Variants in BTBD1 observed in about 807,000 individuals in gnomAD.
The protein encoded by BTBD1 is BTB/POZ domain-containing protein 1.
A neutral mutation model predicts 48.0 loss-of-function variants in BTBD1; 34 were observed. The ratio of observed to expected loss-of-function variants is 0.71; its 90% CI spans 0.54 to 0.94. The LOEUF (loss-of-function observed/expected upper bound fraction) is 0.94. Ranked by LOEUF, BTBD1 falls within the 40% of genes least tolerant of loss-of-function variation. The probability of loss-of-function intolerance (pLI) is 0.00; values close to 1 mark genes in which losing one functional copy is unlikely to be tolerated. For missense variants in BTBD1, 543 were observed against 625.6 expected (o/e 0.87, Z 1.41); for synonymous variants, 261 against 242.1 (o/e 1.08, Z -0.72).
At chr15:83,030,576 T>C (rs530455405) in intron 4 of BTBD1, 201 of 385,184 alleles carry the variant, frequency 5.2e-4, no homozygotes, top group African/African-American at 3.9e-3. Context: ...CTATTCCTCA[T>C]GGATGCCAGG....
intron 3 of BTBD1, among the ~76,000 whole-genome samples, chr15:83,046,193 C>T (rs993843067): frequency 1.3e-5 from 2 of 151,860 alleles, no homozygotes; most frequent in Non-Finnish European, 2.9e-5. Flanking sequence ...CACAGGAGTT[C>T]GAGACCTACC....
chr15:83,038,177 G>T (rs1409904563), intron 4 of BTBD1, among the ~76,000 whole-genome samples: 1 of 152,126 alleles, frequency 6.6e-6, no homozygotes, highest in Admixed American at 6.6e-5. Flanking sequence ...ACAAAAGTCA[G>T]CAGCATTTCT....
chr15:83,037,947 G>A (rs11636145), intron 4 of BTBD1, among the ~76,000 whole-genome samples: 3,298 of 152,164 alleles, frequency 0.022, 58 homozygotes, highest in South Asian at 0.039. Flanking sequence ...AGCTAGGCAC[G>A]GTGGCAGGCA....
At chr15:83,044,989 C>T (rs1466417677) in intron 3 of BTBD1, among the ~76,000 whole-genome samples, 1 of 151,808 alleles carries the variant, frequency 6.6e-6, no homozygotes, top group Non-Finnish European at 1.5e-5. Context: ...AATAAATACC[C>T]CAGTTCCTAA....
chr15:83,056,666 TCCAC>T (rs1007607542), intron 1 of BTBD1, 121 bp from the exon 2 acceptor site: 78 of 776,860 alleles, frequency 1.0e-4, no homozygotes, highest in Middle Eastern at 3.8e-4. Context: ...CATCCATCCA[TCCAC>T]CCACCCACCC....
rs545993849 is a variant in BTBD1, at chr15:83,063,830, C to T, written c.401+2921G>A. Among the ~76,000 whole-genome samples the T allele has an allele frequency of 2.6e-5, 4 of 152,322 alleles. No homozygotes were observed. The East Asian group carries it at 5.8e-4, about 22-fold the overall frequency. ...GAGATACTTAGTGCCGAAAACAATG[C>T]GTTCCCTTGCTGAGAATGTTCCTTC... On this transcript the variant is annotated intron_variant, in intron 1 of 7. Transcript: ENST00000261721.
At chr15:83,041,295 G>A (rs1294014519) in intron 4 of BTBD1, among the ~76,000 whole-genome samples, 2 of 151,480 alleles carry the variant, frequency 1.3e-5, no homozygotes, top group Non-Finnish European at 2.9e-5. Flanking sequence ...TCATACACTC[G>A]CATATATGTT....
At chr15:83,050,439 T>C (rs1188935751) in intron 2 of BTBD1, among the ~76,000 whole-genome samples, 1 of 150,756 alleles carries the variant, frequency 6.6e-6, no homozygotes, top group Admixed American at 6.6e-5. Context: ...CTTGTGTGTG[T>C]GTGTGTGTGT....
chr15:83,046,341 AAC>A (rs1459634684), intron 3 of BTBD1, among the ~76,000 whole-genome samples: 1 of 152,252 alleles, frequency 6.6e-6, no homozygotes, highest in East Asian at 1.9e-4. Context: ...TAGAAAGACA[AAC>A]ACATAGGTCT....
chr15:83,020,855 C>A, intron 5 of BTBD1, 93 bp from the exon 6 acceptor site: 1 of 676,798 alleles, frequency 1.5e-6, no homozygotes, highest in Non-Finnish European at 2.4e-6. Context: ...CCTGGAACAT[C>A]CAGTTTTGCT....
intron 4 of BTBD1, among the ~76,000 whole-genome samples, chr15:83,036,710 C>T (rs971412279): frequency 1.3e-5 from 2 of 152,072 alleles, no homozygotes; most frequent in Admixed American, 6.5e-5. Context: ...AGTTGTATAA[C>T]AGAATATTAT....
At chr15:83,039,531 G>A (rs986345799) in intron 4 of BTBD1, among the ~76,000 whole-genome samples, 3 of 152,060 alleles carry the variant, frequency 2.0e-5, no homozygotes, top group Non-Finnish European at 4.4e-5. Context: ...CCAGCACTCT[G>A]GGAGGCTGAG....
intron 3 of BTBD1, among the ~76,000 whole-genome samples, chr15:83,049,624 T>C (rs542662825): frequency 6.6e-6 from 1 of 152,320 alleles, no homozygotes; most frequent in Admixed American, 6.5e-5. Context: ...CAGGGGTACA[T>C]GTGCAGGTTT....
intron 3 of BTBD1, chr15:83,044,842 CAT>C: frequency 1.1e-6 from 1 of 904,790 alleles, no homozygotes; most frequent in Non-Finnish European, 1.8e-6. Context: ...AGCAAATCTC[CAT>C]AGTGTTTTTT....
chr15:83,034,283 TAA>T (rs2151304121), intron 4 of BTBD1, among the ~76,000 whole-genome samples: 1 of 152,204 alleles, frequency 6.6e-6, no homozygotes, highest in Admixed American at 6.5e-5. Context: ...ATATAGAATT[TAA>T]AAAACCTTGA....
At chr15:83,044,854 T>C (rs2032845843) in intron 3 of BTBD1, 2 of 812,662 alleles carry the variant, frequency 2.5e-6, no homozygotes, top group Non-Finnish European at 4.1e-6. Flanking sequence ...TAGTGTTTTT[T>C]TTCATTACTG....
intron 4 of BTBD1, among the ~76,000 whole-genome samples, chr15:83,035,744 T>C (rs974596917): frequency 6.6e-6 from 1 of 151,608 alleles, no homozygotes; most frequent in Non-Finnish European, 1.5e-5. Flanking sequence ...AGTAATGAAA[T>C]GGAAAACATA....
chr15:83,036,322 T>C (rs2032630308), intron 4 of BTBD1, among the ~76,000 whole-genome samples: 1 of 152,204 alleles, frequency 6.6e-6, no homozygotes, highest in Non-Finnish European at 1.5e-5. Context: ...ATATTCAACA[T>C]CATTAATCAT....
At position 83,018,746 on chromosome 15, in the gene BTBD1, G is replaced by A. The variant is rs376123965; in HGVS notation, c.1251C>T (p.Ile417=). The change falls in exon 7 of 8, where the codon ATC becomes ATT. Residue 417 remains isoleucine, a synonymous_variant. Coordinates refer to ENST00000261721, the MANE Select transcript of BTBD1 (RefSeq NM_025238.4). The stretch of plus-strand genomic sequence containing the variant: ...ATGCTGTGTAGCACACATTGGGCAG[G>A]ATCTCTATGGGTTCCTTGAACATGA... ...FRVMFKEPIE[I]LPNVCYTACA... The A allele has an allele frequency of 3.3e-5, 53 of 1,614,010 alleles. No individual in the cohort carries two copies. Among genetic ancestry groups the A allele is most frequent in the Middle Eastern group, 3.3e-4 (2 of 6,084 alleles).
Sources: gnomAD v4.1 joint callset for allele counts (sites outside exome capture counted in the v4.1 genomes callset) on GRCh38, gnomAD v4.1.1 for gene constraint, MANE v1.5 for transcripts, NCBI Gene and HGNC (gene_info 2026-07-23, HGNC 2026-07-21) for gene names.